The following HERC6 variants were observed in gnomAD, a reference collection of about 807,000 sequenced individuals.
The protein encoded by HERC6 is probable E3 ubiquitin-protein ligase HERC6.
Under a neutral mutation model 114.5 loss-of-function variants are expected in HERC6, and 101 were observed. The ratio of observed to expected loss-of-function variants is 0.88; its 90% CI spans 0.75 to 1.04. The LOEUF is 1.04. Among genes scored for constraint, HERC6 ranks in the 50% least tolerant of loss-of-function variants. The pLI, the probability that HERC6 is intolerant of heterozygous loss-of-function variation, is 0.00. For missense variants in HERC6, 1,133 were observed against 1,230.9 expected (o/e 0.92, Z 1.19); for synonymous variants, 408 against 436.2 (o/e 0.94, Z 0.81).
At position 88,436,392 on chromosome 4, in the gene HERC6, C is replaced by T. The variant is rs72879385; in HGVS notation, c.2417+501C>T. 3.9e-3 allele frequency among the ~76,000 whole-genome samples: 597 copies of T among 152,306 alleles called. 4 individuals are homozygous for T. The highest frequency in any genetic ancestry group is 0.013 in the African/African-American group (547 of 41,552). On this transcript the variant is annotated intron_variant, in intron 18 of 22. Coordinates refer to ENST00000264346, the MANE Select transcript of HERC6 (RefSeq NM_017912.4). The stretch of plus-strand genomic sequence containing the variant: ...AAATTGGGGGAAAGGACTCTCTTCT[C>T]GTGTACTGTTAGTGTGAGAATATAT...
At chr4:88,441,840 G>T (rs1051002257) in intron 22 of HERC6, among the ~76,000 whole-genome samples, 9 of 152,048 alleles carry the variant, frequency 5.9e-5, no homozygotes, top group Admixed American at 5.9e-4. Context: ...GCTTTTTCCT[G>T]AGCTTTGTCC....
intron 5 of HERC6, among the ~76,000 whole-genome samples, chr4:88,394,245 C>A (rs112580372): frequency 0.17 from 26,280 of 151,796 alleles, 2,424 homozygotes; most frequent in Non-Finnish European, 0.22. Context: ...GAGGCCAAGG[C>A]GGGCAGATCA....
In HERC6 at chr4:88,424,575, T is replaced by C. The variant is rs1303679285; in HGVS notation, c.1828-20T>C. The C allele has an allele frequency of 6.7e-7, 1 of 1,494,592 alleles. No individual in the cohort carries two copies. Among genetic ancestry groups the C allele is most frequent in the African/African-American group, 1.4e-5 (1 of 71,504 alleles). 92.6% of individuals were successfully genotyped at this position (1,494,592 alleles called of 1,614,324 possible). ...CATTGTTTTTAATTATCAAAACTAT[T>C]ATCTCTGTTTATTTTTTAGATACCT... On this transcript the variant is annotated intron_variant, in intron 14 of 22. Coordinates refer to ENST00000264346, the MANE Select transcript of HERC6 (RefSeq NM_017912.4).
rs540701188 is a variant in HERC6 at position 88,405,775 on chromosome 4, A to G, written c.1274+162A>G. 2.6e-5 allele frequency among the ~76,000 whole-genome samples: 4 copies of G among 152,196 alleles called. No individual in the cohort carries two copies. The South Asian group carries it at 6.2e-4, about 24-fold the overall frequency. Reference sequence around the variant, plus strand: ...TAGAATTCTTTCATTTTATGAAGTAATTTTCTATTAGACTACCATAAGTTA... The same window carrying G: ...TAGAATTCTTTCATTTTATGAAGTAGTTTTCTATTAGACTACCATAAGTTA... On this transcript the variant is annotated intron_variant, in intron 10 of 22. Transcript: ENST00000264346.
chr4:88,403,202 A>G (rs1400560029), intron 8 of HERC6, among the ~76,000 whole-genome samples: 2 of 152,156 alleles, frequency 1.3e-5, no homozygotes, highest in African/African-American at 4.8e-5. Flanking sequence ...CAGCATCAGC[A>G]TCACTGGAGT....
intron 12 of HERC6, 148 bp from the exon 13 acceptor site, chr4:88,417,277 C>A: frequency 1.3e-6 from 1 of 782,128 alleles, no homozygotes; most frequent in Non-Finnish European, 2.0e-6. Flanking sequence ...AACTGTTGTG[C>A]AGGATATACT....
At chr4:88,421,122 C>T (rs1737003236) in intron 13 of HERC6, among the ~76,000 whole-genome samples, 1 of 152,166 alleles carries the variant, frequency 6.6e-6, no homozygotes, top group Non-Finnish European at 1.5e-5. Flanking sequence ...ATGAGTACTT[C>T]ATTCTTTTTT....
chr4:88,416,724 C>T (rs978722135), intron 12 of HERC6, among the ~76,000 whole-genome samples: 1 of 151,870 alleles, frequency 6.6e-6, no homozygotes, highest in Non-Finnish European at 1.5e-5. Context: ...TTTTTCATTC[C>T]CACTAATATG....
At chr4:88,435,654 T>TA in intron 17 of HERC6, 71 bp from the exon 18 acceptor site, 2 of 1,062,188 alleles carry the variant, frequency 1.9e-6, no homozygotes, top group Non-Finnish European at 1.2e-6. Flanking sequence ...CATTTTTTTT[T>TA]ACTAATCTAA....
chr4:88,416,114 G>T (rs901044429), intron 12 of HERC6, among the ~76,000 whole-genome samples: 3 of 152,196 alleles, frequency 2.0e-5, no homozygotes, highest in African/African-American at 7.2e-5. Context: ...TGGGTAAAAA[G>T]GTCCAGTGTC....
intron 13 of HERC6, among the ~76,000 whole-genome samples, chr4:88,422,286 C>T (rs937043874): frequency 6.6e-6 from 1 of 152,060 alleles, no homozygotes; most frequent in African/African-American, 2.4e-5. Flanking sequence ...GAAATAATAA[C>T]AGTTTTGTTC....
chr4:88,391,513 C>T (rs942072196), intron 4 of HERC6, among the ~76,000 whole-genome samples: 2 of 152,188 alleles, frequency 1.3e-5, no homozygotes, highest in Non-Finnish European at 2.9e-5. Context: ...CTTTGGGAGG[C>T]CATTATTCAG....
Position 88,442,459 on chromosome 4 carries a change from A to G in HERC6, c.3068A>G (p.Ter1023=). The G allele has an allele frequency of 6.2e-7, 1 of 1,611,748 alleles. No homozygotes were observed. The highest frequency in any genetic ancestry group is 1.7e-5 in the Admixed American group (1 of 59,916). Residue 1023 remains the stop codon, a stop_retained_variant, in exon 23 of 23, where the codon TAA becomes TGA. Transcript: ENST00000264346. ...GFVSPMLTQS[*] ...GTCTCACCCATGCTCACACAGTCATAATCACCTCTGAGAGACTCAGGGTGG... is the reference window on the plus strand; with the variant it reads ...GTCTCACCCATGCTCACACAGTCATGATCACCTCTGAGAGACTCAGGGTGG...
At chr4:88,439,014 G>A (rs2149034337) in intron 20 of HERC6, among the ~76,000 whole-genome samples, 1 of 152,350 alleles carries the variant, frequency 6.6e-6, no homozygotes, top group African/African-American at 2.4e-5. Context: ...GTATAAGACA[G>A]ACCTTGCAGG....
At chr4:88,379,649 T>A (rs186603582) in intron 1 of HERC6, among the ~76,000 whole-genome samples, 1,869 of 109,194 alleles carry the variant, frequency 0.017, 116 homozygotes, top group East Asian at 0.13. Flanking sequence ...AATATATATA[T>A]AAAATATATA....
intron 16 of HERC6, among the ~76,000 whole-genome samples, chr4:88,429,701 G>C (rs1462300864): frequency 1.3e-5 from 2 of 152,136 alleles, no homozygotes; most frequent in African/African-American, 4.8e-5. Flanking sequence ...TCAGAACCTG[G>C]GAAGTGGGAT....
chr4:88,403,594 A>G (rs1267719975), intron 8 of HERC6, among the ~76,000 whole-genome samples: 1 of 152,014 alleles, frequency 6.6e-6, no homozygotes, highest in Non-Finnish European at 1.5e-5. Context: ...CTCTACTAAA[A>G]ATACAAAAAA....
intron 10 of HERC6, 127 bp downstream of exon 10, chr4:88,405,740 T>C: frequency 2.3e-6 from 1 of 433,514 alleles, no homozygotes; most frequent in East Asian, 3.5e-5. Context: ...GAGAACTCTG[T>C]AGGTTGTTAT....
chr4:88,408,757 C>CT, intron 11 of HERC6, 140 bp downstream of exon 11: 1 of 654,640 alleles, frequency 1.5e-6, no homozygotes, highest in East Asian at 2.7e-5. Context: ...AATCGACCCA[C>CT]TGAGACTATG....
Sources: gnomAD v4.1 joint callset for allele counts (sites outside exome capture counted in the v4.1 genomes callset) on GRCh38, gnomAD v4.1.1 for gene constraint, MANE v1.5 for transcripts, NCBI Gene and HGNC (gene_info 2026-07-23, HGNC 2026-07-21) for gene names.